FANCB: variants seen among roughly 807,000 people sequenced by gnomAD.
The protein encoded by FANCB is FA complementation group B.
FANCB carries 5 observed loss-of-function variants against 38.9 expected under a neutral mutation model. The ratio of observed to expected loss-of-function variants is 0.13; its 90% CI spans 0.07 to 0.27. The LOEUF is 0.27. Ranked by LOEUF, FANCB falls within the 10% of genes least tolerant of loss-of-function variation. The pLI is 1.00. For missense variants in FANCB, 573 were observed against 602.7 expected (o/e 0.95, Z 0.52); for synonymous variants, 236 against 215.4 (o/e 1.10, Z -0.84).
chrX:14,807,527 C>T, the FANCB span, among the ~76,000 whole-genome samples: 3 of 111,811 alleles, frequency 2.7e-5, 1 homozygote, highest in South Asian at 1.1e-3. Flanking sequence ...CCAAAGTTCT[C>T]AGTGGTGCAG....
the FANCB span, among the ~76,000 whole-genome samples, chrX:14,724,192 G>A: frequency 8.9e-6 from 1 of 111,990 alleles, no homozygotes; most frequent in East Asian, 2.8e-4. Flanking sequence ...TTGTGTGTGT[G>A]TATAATTTGT....
the FANCB span, among the ~76,000 whole-genome samples, chrX:14,827,950 C>T: frequency 8.9e-6 from 1 of 111,741 alleles, no homozygotes; most frequent in African/African-American, 3.2e-5. Context: ...ACCACCAAAA[C>T]AAAACAAATA....
chrX:14,786,227 G>C, the FANCB span, among the ~76,000 whole-genome samples: 203 of 111,610 alleles, frequency 1.8e-3, 1 homozygote, highest in Non-Finnish European at 3.3e-3. Flanking sequence ...AATTCCCAAA[G>C]AGGAACTCTG....
chrX:14,858,011 A>C (rs2092430388), intron 4 of FANCB, 57 bp from the exon 5 acceptor site: 1 of 757,960 alleles, frequency 1.3e-6, no homozygotes, highest in Non-Finnish European at 2.0e-6. Context: ...AACAATTGAA[A>C]ATTCACAAAA....
chrX:14,854,216 AG>A (rs2092413788), intron 5 of FANCB, among the ~76,000 whole-genome samples: 1 of 111,180 alleles, frequency 9.0e-6, no homozygotes, highest in African/African-American at 3.3e-5. Context: ...AATTCGTGAC[AG>A]GGGGAGGCAG....
chrX:14,795,768 CA>C, the FANCB span, among the ~76,000 whole-genome samples: 1 of 111,820 alleles, frequency 8.9e-6, no homozygotes, highest in African/African-American at 3.3e-5. Flanking sequence ...ACCATAAACA[CA>C]AGAGAACAGA....
intron 5 of FANCB, 98 bp from the exon 6 acceptor site, chrX:14,853,265 C>A: frequency 1.3e-6 from 1 of 786,559 alleles, no homozygotes. Context: ...ATGTGCTTAT[C>A]AATTCATTTT....
chrX:14,756,215 A>C, the FANCB span, among the ~76,000 whole-genome samples: 1 of 111,867 alleles, frequency 8.9e-6, no homozygotes, highest in Non-Finnish European at 1.9e-5. Flanking sequence ...AAATAATAAC[A>C]CTAGAAAAAG....
chrX:14,834,873 T>C (rs770806054), downstream of FANCB: 5 of 607,036 alleles, frequency 8.2e-6, no homozygotes, highest in South Asian at 9.0e-5. Context: ...CTGTGGAAAC[T>C]TGCTACCACT....
rs139163949 is a variant in FANCB at position 14,844,362 on chromosome X, C to T, written c.2165+141G>A. ...CTTCAGTTTCTAAATGAAGCCGATG[C>T]GTTCATTCATGCTAGGCCATGGCTC... On this transcript the variant is annotated intron_variant, in intron 9 of 9. Transcript: ENST00000650831. 1,481 of 503,764 alleles carry T rather than the reference C, an allele frequency of 2.9e-3. 32 individuals are homozygous for T. The East Asian group carries it at 0.045, about 15-fold the overall frequency. 41.5% of individuals were successfully genotyped at this position (503,764 alleles called of 1,213,427 possible). A position where few individuals can be genotyped will look rare whatever the true frequency, so the allele number is the denominator to read the frequency against.
At chrX:14,706,607 T>A in the FANCB span, among the ~76,000 whole-genome samples, 1 of 111,831 alleles carries the variant, frequency 8.9e-6, no homozygotes, top group Non-Finnish European at 1.9e-5. Flanking sequence ...CTAAGTAGCC[T>A]AGGATTATCA....
At chrX:14,771,277 C>T in the FANCB span, among the ~76,000 whole-genome samples, 1 of 111,238 alleles carries the variant, frequency 9.0e-6, no homozygotes, top group African/African-American at 3.3e-5. Context: ...CCCAATCAGT[C>T]GTAGGTTAGG....
At chrX:14,804,520 A>T in the FANCB span, among the ~76,000 whole-genome samples, 2 of 111,566 alleles carry the variant, frequency 1.8e-5, no homozygotes, top group African/African-American at 6.5e-5. Flanking sequence ...GCATTTGGAG[A>T]TATACCTAAT....
chrX:14,864,003 C>T (rs1340190282), intron 3 of FANCB, among the ~76,000 whole-genome samples: 2 of 110,827 alleles, frequency 1.8e-5, no homozygotes, highest in African/African-American at 6.6e-5. Flanking sequence ...GGTGTGGTAG[C>T]ACATGCCTGT....
downstream of FANCB, among the ~76,000 whole-genome samples, chrX:14,833,674 T>TGGGG (rs56758477): frequency 0.023 from 2,398 of 103,461 alleles, 51 homozygotes; most frequent in Non-Finnish European, 0.034. Flanking sequence ...AGGCTGGGTG[T>TGGGG]GGGGGGGGTT....
the FANCB span, among the ~76,000 whole-genome samples, chrX:14,798,203 C>T: frequency 2.8e-5 from 3 of 108,553 alleles, no homozygotes; most frequent in Non-Finnish European, 3.8e-5. Context: ...GGCTGGAATG[C>T]GGTGGCGTGA....
chrX:14,848,700 C>A (rs192659896), intron 7 of FANCB, among the ~76,000 whole-genome samples: 1 of 111,983 alleles, frequency 8.9e-6, no homozygotes, highest in African/African-American at 3.2e-5. Context: ...ATTCTTATCT[C>A]TGTATACTGT....
the FANCB span, among the ~76,000 whole-genome samples, chrX:14,750,887 T>TA: frequency 2.4e-3 from 225 of 94,435 alleles, 1 homozygote; most frequent in South Asian, 0.023. Context: ...AGACATTATT[T>TA]AAAAAAAAAA....
the FANCB span, among the ~76,000 whole-genome samples, chrX:14,788,450 A>G: frequency 1.8e-5 from 2 of 111,512 alleles, no homozygotes; most frequent in South Asian, 7.6e-4. Context: ...AACTGCAACT[A>G]TCAGGGTGAA....
Sources: allele counts gnomAD v4.1 joint callset (sites outside exome capture counted in the v4.1 genomes callset), GRCh38; gene constraint gnomAD v4.1.1; transcripts MANE v1.5; gene names NCBI Gene and HGNC (gene_info 2026-07-23, HGNC 2026-07-21).